Variants in SHISA9 observed in about 807,000 individuals in gnomAD.
SHISA9 encodes the protein protein shisa-9.
A neutral mutation model predicts 38.0 loss-of-function variants in SHISA9; 13 were observed. The observed-to-expected ratio is 0.34, with a 90% CI of 0.22 to 0.54. The LOEUF is 0.54. Ranked by LOEUF, SHISA9 falls within the 20% of genes least tolerant of loss-of-function variation. SHISA9 has a pLI of 0.91. For missense variants in SHISA9, 538 were observed against 575.8 expected (o/e 0.93, Z 0.67); for synonymous variants, 275 against 242.0 (o/e 1.14, Z -1.27).
intron 2 of SHISA9, among the ~76,000 whole-genome samples, chr16:12,978,600 T>A (rs1459518550): frequency 6.6e-6 from 1 of 152,190 alleles, no homozygotes; most frequent in African/African-American, 2.4e-5. Flanking sequence ...GTAATCTGCT[T>A]ATTATTAATG....
At chr16:13,344,854 G>C in the SHISA9 span, among the ~76,000 whole-genome samples, 151 of 152,250 alleles carry the variant, frequency 9.9e-4, 1 homozygote, top group African/African-American at 3.4e-3. Context: ...TTACACTATA[G>C]TAAGGACCTC....
the SHISA9 span, among the ~76,000 whole-genome samples, chr16:13,387,915 G>A: frequency 1.3e-5 from 2 of 151,792 alleles, no homozygotes; most frequent in African/African-American, 4.8e-5. Flanking sequence ...CTTGGAGGGT[G>A]AAAATCCCCT....
intron 4 of SHISA9, 121 bp from the exon 5 acceptor site, chr16:13,234,909 C>T: frequency 1.7e-6 from 2 of 1,195,248 alleles, no homozygotes; most frequent in Non-Finnish European, 2.3e-6. Context: ...CTTGTTTGGA[C>T]TGTTGGCCCA....
Position 12,908,962 on chromosome 16 carries a change from C to A in SHISA9, c.563+6335C>A, listed in dbSNP as rs111357318. ...AAAACATGCTTCAGAAGAACTGGCACCCCTTGGAAAGAAATAGCAACAAAT... is the reference window on the plus strand; with the variant it reads ...AAAACATGCTTCAGAAGAACTGGCAACCCTTGGAAAGAAATAGCAACAAAT... On this transcript the variant is annotated intron_variant, in intron 1 of 4. Coordinates refer to ENST00000558583, the MANE Select transcript of SHISA9 (RefSeq NM_001145204.3). 1.2e-3 allele frequency: 1,237 copies of A among 999,126 alleles called. 11 individuals are homozygous for A. In the African/African-American group the frequency reaches 0.02, roughly 16 times the overall value. The allele number at this position is 999,126 out of a possible 1,614,324, so 61.9% of individuals were successfully genotyped here.
chr16:12,985,357 A>G (rs905060), intron 2 of SHISA9, among the ~76,000 whole-genome samples: 50,552 of 151,936 alleles, frequency 0.33, 8,655 homozygotes, highest in Middle Eastern at 0.37. Context: ...CTCTGTTACC[A>G]CTTATTTCTG....
intron 2 of SHISA9, among the ~76,000 whole-genome samples, chr16:13,182,749 T>C (rs553702942): frequency 6.6e-6 from 1 of 151,436 alleles, no homozygotes; most frequent in East Asian, 2.0e-4. Flanking sequence ...TTGCAAAAAA[T>C]GCATTTGAGA....
At chr16:13,553,705 A>T in the SHISA9 span, among the ~76,000 whole-genome samples, 1 of 152,184 alleles carries the variant, frequency 6.6e-6, no homozygotes, top group Non-Finnish European at 1.5e-5. Flanking sequence ...GTGCAACTGA[A>T]TTCTAAAGAA....
intron 2 of SHISA9, among the ~76,000 whole-genome samples, chr16:13,151,787 C>A (rs1017924868): frequency 6.6e-6 from 1 of 152,176 alleles, no homozygotes; most frequent in African/African-American, 2.4e-5. Flanking sequence ...TATTACTAGT[C>A]TTGAATTGCT....
chr16:13,250,822 G>A, the SHISA9 span, among the ~76,000 whole-genome samples: 20 of 152,098 alleles, frequency 1.3e-4, no homozygotes, highest in African/African-American at 4.3e-4. Context: ...TGCAGATGGT[G>A]AGGCAAACCC....
At chr16:13,049,490 C>T (rs1315094258) in intron 2 of SHISA9, among the ~76,000 whole-genome samples, 2 of 152,072 alleles carry the variant, frequency 1.3e-5, no homozygotes, top group Admixed American at 6.6e-5. Context: ...GCTCTTTACA[C>T]CCAAGGGAGG....
intron 2 of SHISA9, among the ~76,000 whole-genome samples, chr16:13,168,788 C>T (rs1216959338): frequency 6.6e-6 from 1 of 152,214 alleles, no homozygotes; most frequent in Non-Finnish European, 1.5e-5. Context: ...GTTCCACTTG[C>T]ACCATCTGCC....
chr16:13,436,995 C>T, the SHISA9 span, among the ~76,000 whole-genome samples: 43,542 of 151,938 alleles, frequency 0.29, 6,731 homozygotes, highest in African/African-American at 0.37. Flanking sequence ...CTTTATAAAC[C>T]GACATCTCTC....
At chr16:13,055,236 AG>A (rs1322062320) in intron 2 of SHISA9, among the ~76,000 whole-genome samples, 8 of 152,338 alleles carry the variant, frequency 5.3e-5, no homozygotes, top group African/African-American at 1.7e-4. Context: ...TCACAGAGAA[AG>A]TAAGTGATTT....
the SHISA9 span, among the ~76,000 whole-genome samples, chr16:13,268,119 T>G: frequency 6.6e-6 from 1 of 152,070 alleles, no homozygotes; most frequent in Non-Finnish European, 1.5e-5. Flanking sequence ...AAACTCTCAA[T>G]TCTATTGTGA....
the SHISA9 span, among the ~76,000 whole-genome samples, chr16:13,362,356 G>A: frequency 1.3e-5 from 2 of 151,974 alleles, no homozygotes; most frequent in Admixed American, 6.6e-5. Flanking sequence ...CGAGCCCAGG[G>A]GATCGAGGCT....
rs987054362 is a variant in SHISA9, at chr16:13,179,154, A to G, written c.692-24240A>G. Among the ~76,000 whole-genome samples the G allele has an allele frequency of 2.6e-5, 4 of 152,094 alleles. No homozygotes were observed. In the East Asian group the frequency reaches 7.7e-4, roughly 29 times the overall value. On this transcript the variant is annotated intron_variant, in intron 2 of 4. Transcript: ENST00000558583. ...AATATGGCAAAACCCTGCCTCTACT[A>G]AAAATAAAAATAAAATTAGCTGGGT...
At chr16:13,232,301 TAAAA>T (rs904051346) in intron 4 of SHISA9, among the ~76,000 whole-genome samples, 2 of 151,880 alleles carry the variant, frequency 1.3e-5, no homozygotes, top group Non-Finnish European at 2.9e-5. Flanking sequence ...GAAATTAAAA[TAAAA>T]TAAAAGGAGA....
chr16:12,928,781 T>G (rs1480872929), intron 2 of SHISA9, among the ~76,000 whole-genome samples: 1 of 152,258 alleles, frequency 6.6e-6, no homozygotes, highest in Non-Finnish European at 1.5e-5. Context: ...AAGAAGCTCC[T>G]CATTCTGCAG....
chr16:13,126,903 G>GGAGA (rs143906616), intron 2 of SHISA9, among the ~76,000 whole-genome samples: 3 of 117,924 alleles, frequency 2.5e-5, no homozygotes, highest in African/African-American at 3.5e-5. Flanking sequence ...ACTGAAAGAA[G>GGAGA]GAGAGAGAGA....
Sources: allele counts gnomAD v4.1 joint callset (sites outside exome capture counted in the v4.1 genomes callset), GRCh38; gene constraint gnomAD v4.1.1; transcripts MANE v1.5; gene names NCBI Gene and HGNC (gene_info 2026-07-23, HGNC 2026-07-21).